POU2F3: variants seen among roughly 807,000 people sequenced by gnomAD.
POU2F3 encodes the protein POU class 2 homeobox 3, also known as POU domain, class 2, transcription factor 3.
Under a neutral mutation model 59.2 loss-of-function variants are expected in POU2F3, and 23 were observed. The ratio of observed to expected loss-of-function variants is 0.39; its 90% confidence interval spans 0.28 to 0.55. The LOEUF (loss-of-function observed/expected upper bound fraction) is 0.55, where lower values mean the gene tolerates loss of function less well. POU2F3 is among the 20% of genes least tolerant of loss of function. POU2F3 has a pLI of 0.66. For missense variants in POU2F3, 473 were observed against 544.5 expected, an observed-to-expected ratio of 0.87 and a Z score of 1.31; for synonymous variants, 190 against 214.6, an observed-to-expected ratio of 0.89 and a Z score of 1.00.
intron 3 of POU2F3, among the ~76,000 whole-genome samples, chr11:120,287,763 C>T (rs574245524): frequency 6.1e-4 from 93 of 152,288 alleles, no homozygotes; most frequent in African/African-American, 2.1e-3. Context: ...AGCCAAAGCA[C>T]AAGTCAAGTG....
chr11:120,290,454 T>C (rs940232901), intron 3 of POU2F3, among the ~76,000 whole-genome samples: 3 of 152,152 alleles, frequency 2.0e-5, no homozygotes, highest in Non-Finnish European at 4.4e-5. Context: ...CTCAGTAGCT[T>C]CCAGAAGCCC....
Position 120,307,482 on chromosome 11 carries a change from C to G in POU2F3, c.773C>G (p.Ser258Cys). Reference protein sequence around the residue: ...LLEKWLNDAESSPSDPSVSTP... With the variant: ...LLEKWLNDAECSPSDPSVSTP... ...CTGGTCCTTCGTGTCCCTGCAGAGT[C>G]CTCTCCGTCAGACCCCTCAGTGAGC... Residue 258 changes from serine (S) to cysteine (C), a missense_variant, in exon 9 of 13, where the codon TCC becomes TGC. Coordinates refer to ENST00000543440, the MANE Select transcript of POU2F3 (RefSeq NM_014352.4). 6.2e-7 allele frequency: 1 copy of G among 1,614,102 alleles called. No homozygotes were observed. Among genetic ancestry groups the G allele is most frequent in the Admixed American group, 1.7e-5 (1 of 60,018 alleles).
At chr11:120,275,965 C>T (rs953452588) in intron 3 of POU2F3, among the ~76,000 whole-genome samples, 79 of 152,308 alleles carry the variant, frequency 5.2e-4, no homozygotes, top group African/African-American at 1.9e-3. Context: ...TTAATTGGCT[C>T]GTTGGGGCAT....
At chr11:120,313,119 C>T (rs1475304163) in intron 10 of POU2F3, among the ~76,000 whole-genome samples, 1 of 152,048 alleles carries the variant, frequency 6.6e-6, no homozygotes, top group African/African-American at 2.4e-5. Flanking sequence ...AAACTTGGGT[C>T]ATGTCATAGG....
rs550424172 is a variant in POU2F3, at chr11:120,281,049, CAG to C, written c.132+11810_132+11811del. On this transcript the variant is annotated intron_variant, in intron 3 of 12. Transcript: ENST00000543440. ...TCTGCCTGCAGCTCTTGTAACCAAC[CAG>C]AGAGTCGTCTTCTCCCAGAATCATA... Among the ~76,000 whole-genome samples, 146 of 152,288 alleles carry C rather than the reference CAG, an allele frequency of 9.6e-4. 1 individual carries two copies. Among genetic ancestry groups the C allele is most frequent in the African/African-American group, 3.4e-3 (143 of 41,580 alleles).
intron 3 of POU2F3, among the ~76,000 whole-genome samples, chr11:120,292,530 G>T (rs1010842335): frequency 2.0e-5 from 3 of 152,204 alleles, no homozygotes; most frequent in Admixed American, 2.0e-4. Flanking sequence ...TTTAGGGGCA[G>T]AACAGCCTTC....
At chr11:120,275,216 A>T (rs1940269671) in intron 3 of POU2F3, among the ~76,000 whole-genome samples, 1 of 152,150 alleles carries the variant, frequency 6.6e-6, no homozygotes, top group East Asian at 1.9e-4. Flanking sequence ...AGGGGACTTG[A>T]GTGAGTGTGG....
intron 2 of POU2F3, among the ~76,000 whole-genome samples, chr11:120,267,487 C>T (rs1939877055): frequency 6.6e-6 from 1 of 151,850 alleles, no homozygotes; most frequent in Non-Finnish European, 1.5e-5. Flanking sequence ...TGCATCTCAC[C>T]TCTCCCTCTT....
chr11:120,303,914 G>A (rs948825125), intron 6 of POU2F3: 1 of 152,190 alleles, frequency 6.6e-6, no homozygotes, highest in African/African-American at 2.4e-5. Context: ...TGGACCCCTA[G>A]GCCCAGATTC....
chr11:120,286,390 G>A (rs1246012045), intron 3 of POU2F3, among the ~76,000 whole-genome samples: 1 of 152,176 alleles, frequency 6.6e-6, no homozygotes, highest in Non-Finnish European at 1.5e-5. Context: ...TCAATGCTCA[G>A]GTGAGATCCA....
At chr11:120,249,666 G>C (rs1297157076) in intron 2 of POU2F3, 1 of 152,176 alleles carries the variant, frequency 6.6e-6, no homozygotes, top group African/African-American at 2.4e-5. Flanking sequence ...GACCATGCTG[G>C]CCACATCATT....
At chr11:120,244,145 A>C (rs1938778386) in intron 1 of POU2F3, among the ~76,000 whole-genome samples, 1 of 152,186 alleles carries the variant, frequency 6.6e-6, no homozygotes, top group African/African-American at 2.4e-5. Context: ...CTGCCTCTTA[A>C]CTTTTTCCTG....
At chr11:120,249,841 C>T (rs1394388421) in intron 2 of POU2F3, 1 of 152,224 alleles carries the variant, frequency 6.6e-6, no homozygotes, top group African/African-American at 2.4e-5. Context: ...CGATTAACCC[C>T]ATCTTCATTG....
At chr11:120,263,200 C>A (rs190041258) in intron 2 of POU2F3, among the ~76,000 whole-genome samples, 29 of 152,274 alleles carry the variant, frequency 1.9e-4, no homozygotes, top group Non-Finnish European at 3.8e-4. Context: ...CCATGTTGAT[C>A]AGGCTGGTCT....
rs372343681 is a variant in POU2F3, at chr11:120,298,393, A to T, written c.258+3A>T. ...GGCTAAATGCCAGCCCATGTCAGGT[A>T]ACACTGTGATTTTCACAGTGGGCCA... On this transcript the variant is annotated splice_donor_region_variant and intron_variant, in intron 4 of 12. Coordinates refer to ENST00000543440, the MANE Select transcript of POU2F3 (RefSeq NM_014352.4). 1.9e-6 allele frequency: 3 copies of T among 1,613,436 alleles called. No individual in the cohort carries two copies. The highest frequency in any genetic ancestry group is 2.5e-6 in the Non-Finnish European group (3 of 1,179,810).
intron 6 of POU2F3, 97 bp downstream of exon 6, chr11:120,302,465 A>T: frequency 8.5e-7 from 1 of 1,176,454 alleles, no homozygotes; most frequent in Non-Finnish European, 1.2e-6. Context: ...CAGGGCACTA[A>T]CCCCTCTGGG....
chr11:120,289,140 A>G (rs1940931832), intron 3 of POU2F3, among the ~76,000 whole-genome samples: 1 of 152,228 alleles, frequency 6.6e-6, no homozygotes. Flanking sequence ...TCTCTGCTGC[A>G]TCTGTGATTA....
At chr11:120,275,311 T>C (rs1255990620) in intron 3 of POU2F3, among the ~76,000 whole-genome samples, 1 of 152,000 alleles carries the variant, frequency 6.6e-6, no homozygotes, top group African/African-American at 2.4e-5. Context: ...GGAGGGCTCT[T>C]CTGAGAGGGA....
chr11:120,297,356 G>C (rs1941219895), intron 3 of POU2F3, among the ~76,000 whole-genome samples: 1 of 152,210 alleles, frequency 6.6e-6, no homozygotes, highest in South Asian at 2.1e-4. Context: ...GGAGACTGGA[G>C]AGAGGTTGGA....
Sources: allele counts gnomAD v4.1 joint callset (sites outside exome capture counted in the v4.1 genomes callset), GRCh38; gene constraint gnomAD v4.1.1; transcripts MANE v1.5; gene names NCBI Gene and HGNC (gene_info 2026-07-23, HGNC 2026-07-21).